The following CERS3 variants were observed in gnomAD, a reference collection of about 807,000 sequenced individuals.
CERS3 encodes the protein LAG1 homolog, ceramide synthase 3.
In CERS3, 33 loss-of-function variants were observed where a neutral mutation model predicts 50.3. The observed-to-expected ratio is 0.66, with a 90% confidence interval of 0.50 to 0.88. The LOEUF is 0.88. CERS3 is among the 40% of genes least tolerant of loss of function. CERS3 has a pLI of 0.00. For missense variants in CERS3, 470 were observed against 460.3 expected, an observed-to-expected ratio of 1.02 and a Z score of -0.19; for synonymous variants, 176 against 155.2, an observed-to-expected ratio of 1.13 and a Z score of -0.99.
chr15:100,479,558 TA>T (rs1472857436), intron 6 of CERS3, 80 bp from the exon 7 acceptor site: 1 of 1,034,132 alleles, frequency 9.7e-7, no homozygotes, highest in Non-Finnish European at 1.5e-6. Flanking sequence ...GCAGAAAACC[TA>T]AGCTCTTCCT....
intron 11 of CERS3, among the ~76,000 whole-genome samples, chr15:100,419,026 A>T (rs1354272723): frequency 6.9e-6 from 1 of 144,464 alleles, no homozygotes; most frequent in Non-Finnish European, 1.5e-5. Context: ...GCATCAACTA[A>T]CGAGCAAAAT....
At chr15:100,498,409 G>C (rs1332979442) in intron 3 of CERS3, among the ~76,000 whole-genome samples, 1 of 152,150 alleles carries the variant, frequency 6.6e-6, no homozygotes, top group Non-Finnish European at 1.5e-5. Context: ...AAGGGAAATT[G>C]TAAGTCTTAG....
intron 11 of CERS3, among the ~76,000 whole-genome samples, chr15:100,414,974 A>G (rs1314788587): frequency 6.6e-6 from 1 of 152,210 alleles, no homozygotes. Flanking sequence ...ACAGCAAAAG[A>G]AACTATAACG....
In CERS3 at chr15:100,501,844, A is replaced by G. The variant is rs755960506; in HGVS notation, c.6T>C (p.Phe2=). ...ACCAGAACCATTCTTTAAACGTCCA[A>G]AACATTCTAGAGAAATGGAAACAGA... M[F]WTFKEWFWLE... Residue 2 remains phenylalanine, a synonymous_variant, in exon 3 of 12, where the codon TTT becomes TTC. Transcript: ENST00000679737. 3.1e-6 allele frequency: 5 copies of G among 1,613,934 alleles called. No individual in the cohort carries two copies. Among genetic ancestry groups the G allele is most frequent in the Non-Finnish European group, 4.2e-6 (5 of 1,179,904 alleles).
chr15:100,532,729 A>G (rs968373434), upstream of CERS3, among the ~76,000 whole-genome samples: 2 of 152,210 alleles, frequency 1.3e-5, no homozygotes, highest in African/African-American at 4.8e-5. Context: ...AATACACTCC[A>G]GACTGGGCGA....
chr15:100,524,055 T>G (rs74839309), intron 1 of CERS3, among the ~76,000 whole-genome samples: 3,777 of 152,092 alleles, frequency 0.025, 114 homozygotes, highest in Admixed American at 0.09. Context: ...TTTGTGGAGG[T>G]TTTTTTTCTA....
At chr15:100,487,033 T>C (rs1194111089) in intron 4 of CERS3, among the ~76,000 whole-genome samples, 2 of 152,184 alleles carry the variant, frequency 1.3e-5, no homozygotes, top group African/African-American at 4.8e-5. Flanking sequence ...GTCTTGTCAA[T>C]ACTGGCCTCA....
At chr15:100,533,651 G>T (rs1318954357), upstream of CERS3, among the ~76,000 whole-genome samples, 1 of 145,702 alleles carries the variant, frequency 6.9e-6, no homozygotes, top group Admixed American at 6.9e-5. Context: ...TCCACCTCCC[G>T]GGTTGAAGCG....
rs990666262 is a variant in CERS3, at chr15:100,402,388, G to A, written c.*325C>T. On this transcript the variant is annotated 3_prime_UTR_variant, in exon 12 of 12. Transcript: ENST00000679737. ...GCGTCCTGAGGACAGGCAAGGTGGCGAGGCGAAAGGGTCTATAACAAAGCG... is the reference window on the plus strand; with the variant it reads ...GCGTCCTGAGGACAGGCAAGGTGGCAAGGCGAAAGGGTCTATAACAAAGCG... 4.3e-5 allele frequency: 10 copies of A among 230,096 alleles called. No individual in the cohort carries two copies. Among genetic ancestry groups the A allele is most frequent in the Non-Finnish European group, 7.6e-5 (9 of 118,808 alleles). 14.3% of individuals were successfully genotyped at this position (230,096 alleles called of 1,614,324 possible).
rs995828492 is a variant in CERS3, at chr15:100,537,145, C to T, written c.-355+7506G>A. 2.0e-5 allele frequency among the ~76,000 whole-genome samples: 3 copies of T among 152,330 alleles called. No individual in the cohort carries two copies. The East Asian group carries it at 5.8e-4, about 29-fold the overall frequency. On this transcript the variant is annotated intron_variant, in intron 1 of 12. Coordinates refer to the CERS3 transcript ENST00000284382. Reference sequence around the variant, plus strand: ...CCTAGGACACTCAAGAAGGGGTACTCTCTCTTCAGCCTGTGAATTCTCTAG... The same window carrying T: ...CCTAGGACACTCAAGAAGGGGTACTTTCTCTTCAGCCTGTGAATTCTCTAG...
intron 4 of CERS3, among the ~76,000 whole-genome samples, chr15:100,486,972 C>A (rs1007979552): frequency 6.6e-6 from 1 of 151,994 alleles, no homozygotes; most frequent in African/African-American, 2.4e-5. Flanking sequence ...GTTTATGAGT[C>A]GAAGCTTTTT....
At chr15:100,501,171 A>G (rs1306763428) in intron 3 of CERS3, among the ~76,000 whole-genome samples, 1 of 152,354 alleles carries the variant, frequency 6.6e-6, no homozygotes, top group East Asian at 1.9e-4. Context: ...CTTTAGAACG[A>G]AGGGCAGCTA....
chr15:100,453,726 C>T (rs1361672905), intron 11 of CERS3, among the ~76,000 whole-genome samples: 1 of 152,096 alleles, frequency 6.6e-6, no homozygotes, highest in South Asian at 2.1e-4. Context: ...TTGCAGATGG[C>T]ACGATCTTAT....
At chr15:100,497,190 T>TG (rs2035840895) in intron 3 of CERS3, among the ~76,000 whole-genome samples, 1 of 151,580 alleles carries the variant, frequency 6.6e-6, no homozygotes, top group African/African-American at 2.4e-5. Flanking sequence ...GAGTAGTGCA[T>TG]GGGGAAAAAA....
intron 1 of CERS3, among the ~76,000 whole-genome samples, chr15:100,539,091 T>G (rs1195386011): frequency 1.3e-5 from 2 of 152,354 alleles, no homozygotes; most frequent in East Asian, 3.9e-4. Context: ...TGCCAAAGCA[T>G]AGCAAGAGTC....
intron 6 of CERS3, among the ~76,000 whole-genome samples, 196 bp downstream of exon 6, chr15:100,479,792 CA>C (rs567053324): frequency 8.2e-4 from 125 of 151,976 alleles, no homozygotes; most frequent in Non-Finnish European, 1.5e-3. Context: ...ATTTCTAAAC[CA>C]ATTGTATTAT....
chr15:100,525,668 A>G (rs932914319), intron 1 of CERS3, among the ~76,000 whole-genome samples: 3 of 152,166 alleles, frequency 2.0e-5, no homozygotes, highest in African/African-American at 4.8e-5. Context: ...TCACTTGCCA[A>G]TTGGGGTTTT....
At chr15:100,509,525 G>T (rs1374775356) in intron 2 of CERS3, among the ~76,000 whole-genome samples, 2 of 152,208 alleles carry the variant, frequency 1.3e-5, no homozygotes, top group East Asian at 1.9e-4. Flanking sequence ...ACAAGAAATG[G>T]CAAGGTGGGC....
intron 11 of CERS3, among the ~76,000 whole-genome samples, chr15:100,437,592 C>T (rs2033479042): frequency 6.6e-6 from 1 of 152,134 alleles, no homozygotes; most frequent in Non-Finnish European, 1.5e-5. Flanking sequence ...AGCCAACTGC[C>T]CGACAACGAC....
Sources: allele counts gnomAD v4.1 joint callset (sites outside exome capture counted in the v4.1 genomes callset), GRCh38; gene constraint gnomAD v4.1.1; transcripts MANE v1.5; gene names NCBI Gene and HGNC (gene_info 2026-07-23, HGNC 2026-07-21).